The following USF3 variants were observed in gnomAD, a reference collection of about 807,000 sequenced individuals.
USF3 encodes the protein basic helix-loop-helix domain-containing protein USF3.
A neutral mutation model predicts 157.5 loss-of-function variants in USF3; 29 were observed. The observed-to-expected ratio is 0.18, with a 90% confidence interval of 0.14 to 0.25. The LOEUF is 0.25. USF3 is among the 10% of genes least tolerant of loss of function. The pLI is 1.00. For synonymous variants in USF3, 893 were observed against 941.4 expected (o/e 0.95, Z 0.94); for missense variants, 2,381 against 2,667.6 (o/e 0.89, Z 2.37).
At chr3:113,677,145 C>G (rs542019740) in intron 2 of USF3, 137 bp downstream of exon 2, 1 of 152,146 alleles carries the variant, frequency 6.6e-6, no homozygotes, top group African/African-American at 2.4e-5. Flanking sequence ...GCAGCTTATT[C>G]CTATTCCACC....
At chr3:113,680,257 T>C (rs959174536) in intron 1 of USF3, among the ~76,000 whole-genome samples, 2 of 152,018 alleles carry the variant, frequency 1.3e-5, no homozygotes, top group African/African-American at 2.4e-5. Flanking sequence ...AGACTTTTAA[T>C]TATGACTTTG....
intron 1 of USF3, among the ~76,000 whole-genome samples, chr3:113,695,110 G>A (rs1707771523): frequency 6.6e-6 from 1 of 152,248 alleles, no homozygotes; most frequent in Non-Finnish European, 1.5e-5. Flanking sequence ...AGCCGTCCTT[G>A]GACGGGGGTT....
Position 113,657,036 on chromosome 3 carries a change from C to T in USF3, c.4646G>A (p.Arg1549Gln), listed in dbSNP as rs748185621. The T allele has an allele frequency of 2.5e-5, 41 of 1,613,920 alleles. No homozygotes were observed. The highest frequency in any genetic ancestry group is 1.6e-4 in the African/African-American group (12 of 74,886). ...QPKHHGTDQSRSKTGQPHPHH... is the reference protein window; with the variant it reads ...QPKHHGTDQSQSKTGQPHPHH... ...GGGATGTGGCTGGCCAGTCTTGGATCGGGATTGGTCAGTTCCATGGTGCTT... is the reference window on the plus strand; with the variant it reads ...GGGATGTGGCTGGCCAGTCTTGGATTGGGATTGGTCAGTTCCATGGTGCTT... Residue 1549 changes from arginine (R) to glutamine (Q), a missense_variant, in exon 7 of 7, where the codon CGA becomes CAA. Physicochemically the swap from Arg to Gln is conservative, Grantham distance 43. This residue lies in a region of USF3 where 770 missense variants were observed against 824.2 expected (regional missense o/e 0.93). Transcript: ENST00000316407.
At chr3:113,696,154 A>T (rs996874399) in intron 1 of USF3, among the ~76,000 whole-genome samples, 7 of 152,120 alleles carry the variant, frequency 4.6e-5, no homozygotes, top group Non-Finnish European at 8.8e-5. Flanking sequence ...GGCGGGCGGG[A>T]GATGAGGGGT....
Position 113,658,611 on chromosome 3 carries a change from T to C in USF3, c.3071A>G (p.Asp1024Gly). ...AGAAAAGTCAGGATGATCCATCTGATCAGAAAGAGATGATTTCTGAGGGTT... is the reference window on the plus strand; with the variant it reads ...AGAAAAGTCAGGATGATCCATCTGACCAGAAAGAGATGATTTCTGAGGGTT... Reference protein sequence around the residue: ...KKNPQKSSLSDQMDHPDFSSE... With the variant: ...KKNPQKSSLSGQMDHPDFSSE... Residue 1024 changes from aspartate (D) to glycine (G), a missense_variant, in exon 7 of 7, where the codon GAT (aspartate) becomes GGT (glycine). Physicochemically the swap from Asp to Gly is moderately conservative, Grantham distance 94. This residue lies in a region of USF3 where 1,435 missense variants were observed against 1,550.9 expected (regional missense o/e 0.93). Transcript: ENST00000316407. 6.2e-7 allele frequency: 1 copy of C among 1,613,738 alleles called. No homozygotes were observed. Among genetic ancestry groups the C allele is most frequent in the Non-Finnish European group, 8.5e-7 (1 of 1,179,848 alleles).
chr3:113,678,998 T>TCCAGGCTG (rs1707347176), intron 1 of USF3, among the ~76,000 whole-genome samples: 1 of 148,092 alleles, frequency 6.8e-6, no homozygotes, highest in Admixed American at 6.8e-5. Context: ...CACTATGCTG[T>TCCAGGCTG]CCAGGCTGGT....
At chr3:113,670,740 T>C (rs1707135730) in intron 4 of USF3, among the ~76,000 whole-genome samples, 1 of 152,178 alleles carries the variant, frequency 6.6e-6, no homozygotes, top group Non-Finnish European at 1.5e-5. Context: ...GCAATCTACA[T>C]AAGCAATACT....
Position 113,656,141 on chromosome 3 carries a change from C to T in USF3, c.5541G>A (p.Gln1847=). The T allele has an allele frequency of 6.2e-7, 1 of 1,614,168 alleles. No individual in the cohort carries two copies. The highest frequency in any genetic ancestry group is 8.5e-7 in the Non-Finnish European group (1 of 1,180,024). The part of the protein sequence containing the change: ...RSLSEHQRNT[Q]CGPSSAIEYN... ...ATTCAATTGCAGAGGATGGACCACA[C>T]TGTGTATTCCTCTGATGTTCTGAGA... Residue 1847 remains glutamine, a synonymous_variant, in exon 7 of 7, where the codon CAG becomes CAA. Transcript: ENST00000316407.
Position 113,649,640 on chromosome 3 carries a change from T to C in USF3, c.*5304A>G. 3.9e-6 allele frequency: 2 copies of C among 513,144 alleles called. No individual in the cohort carries two copies. The highest frequency in any genetic ancestry group is 3.5e-5 in the South Asian group (1 of 28,174). 31.8% of individuals were successfully genotyped at this position (513,144 alleles called of 1,614,324 possible). On this transcript the variant is annotated 3_prime_UTR_variant, in exon 7 of 7. Coordinates refer to ENST00000316407, the MANE Select transcript of USF3 (RefSeq NM_001009899.4). ...AGCGTGTACCATCCCAGCTGGCCCT[T>C]TGCTATAACAGAGGAGTGGGTGAGT...
intron 1 of USF3, among the ~76,000 whole-genome samples, chr3:113,694,102 T>C (rs1707750258): frequency 6.6e-6 from 1 of 152,178 alleles, no homozygotes; most frequent in Non-Finnish European, 1.5e-5. Context: ...GCATTAAAAC[T>C]TAAAGACACA....
Position 113,649,996 on chromosome 3 carries a change from T to C in USF3, c.*4948A>G, listed in dbSNP as rs1257761567. On this transcript the variant is annotated 3_prime_UTR_variant, in exon 7 of 7. Transcript: ENST00000316407. ...CTAACTTCTGCCTTTAATTTGCATA[T>C]AAGTATCATAAAATCATCACTCACA... 1.8e-5 allele frequency: 11 copies of C among 622,394 alleles called. No individual in the cohort carries two copies. Among genetic ancestry groups the C allele is most frequent in the Middle Eastern group, 2.5e-4 (1 of 3,936 alleles). The allele number at this position is 622,394 out of a possible 1,614,324, so 38.6% of individuals were successfully genotyped here. A position where few individuals can be genotyped will look rare whatever the true frequency, so the allele number is the denominator to read the frequency against.
chr3:113,689,026 A>G (rs1186048268), intron 1 of USF3, among the ~76,000 whole-genome samples: 5 of 129,754 alleles, frequency 3.9e-5, no homozygotes, highest in African/African-American at 1.4e-4. Flanking sequence ...GGGAGACTCC[A>G]TCTCAAAAAA....
At chr3:113,689,141 T>C (rs1199280264) in intron 1 of USF3, among the ~76,000 whole-genome samples, 1 of 152,230 alleles carries the variant, frequency 6.6e-6, no homozygotes, top group East Asian at 1.9e-4. Context: ...GAATAGCCTT[T>C]GATGTCAGAC....
rs770420237 is a variant in USF3 at position 113,651,671 on chromosome 3, T to C, written c.*3273A>G. ...ACTGCTAGTAAATCTCATATATTCA[T>C]GCTTTTAAATCAAATAAGGGTACTA... On this transcript the variant is annotated 3_prime_UTR_variant, in exon 7 of 7. Transcript: ENST00000316407. 2 of 152,228 alleles carry C rather than the reference T, an allele frequency of 1.3e-5. No individual in the cohort carries two copies. The highest frequency in any genetic ancestry group is 2.9e-5 in the Non-Finnish European group (2 of 68,044). The allele number at this position is 152,228 out of a possible 1,614,324, so 9.4% of individuals were successfully genotyped here.
At position 113,694,858 on chromosome 3, in the gene USF3, A is replaced by G. The variant is rs1239013829; in HGVS notation, c.-135+1512T>C. 2.0e-5 allele frequency among the ~76,000 whole-genome samples: 3 copies of G among 152,306 alleles called. No homozygotes were observed. The East Asian group carries it at 5.8e-4, about 29-fold the overall frequency. ...TCAGGAGTGCAAGACCAGCCTGGCC[A>G]ACATGGAGAAACCCTGTCTCTACTT... On this transcript the variant is annotated intron_variant, in intron 1 of 6. Coordinates refer to ENST00000316407, the MANE Select transcript of USF3 (RefSeq NM_001009899.4).
At chr3:113,689,458 T>C (rs548827623) in intron 1 of USF3, among the ~76,000 whole-genome samples, 1 of 152,342 alleles carries the variant, frequency 6.6e-6, no homozygotes, top group East Asian at 1.9e-4. Flanking sequence ...TATAAATCTA[T>C]AAATCTATCC....
chr3:113,664,112 A>T (rs1247516260), intron 6 of USF3, among the ~76,000 whole-genome samples: 1 of 152,200 alleles, frequency 6.6e-6, no homozygotes, highest in Non-Finnish European at 1.5e-5. Flanking sequence ...TGCCTACAAG[A>T]TAAGAGGTGC....
Position 113,654,742 on chromosome 3 carries a change from C to T in USF3, c.*202G>A. The T allele has an allele frequency of 3.7e-6, 2 of 538,884 alleles. No homozygotes were observed. Among genetic ancestry groups the T allele is most frequent in the Non-Finnish European group, 6.4e-6 (2 of 312,350 alleles). The allele number at this position is 538,884 out of a possible 1,614,324, so 33.4% of individuals were successfully genotyped here. A position where few individuals can be genotyped will look rare whatever the true frequency, so the allele number is the denominator to read the frequency against. On this transcript the variant is annotated 3_prime_UTR_variant, in exon 7 of 7. Transcript: ENST00000316407. ...TTGGAAAATAAAAAAGTACACCATG[C>T]AGTTGAAAACGAAAGATAACTTGTT...
rs998610271 is a variant in USF3 at position 113,648,881 on chromosome 3, AAAAT to A, written c.*6059_*6062del. 4 of 152,118 alleles carry A rather than the reference AAAAT, an allele frequency of 2.6e-5. No individual in the cohort carries two copies. The highest frequency in any genetic ancestry group is 5.9e-5 in the Non-Finnish European group (4 of 67,962). The allele number at this position is 152,118 out of a possible 1,614,324, so 9.4% of individuals were successfully genotyped here. On this transcript the variant is annotated 3_prime_UTR_variant, in exon 7 of 7. Transcript: ENST00000316407. ...TTTTCAACTTTTTTTTACCAAAGTG[AAAAT>A]ATATATATATATGTATATATATTTA... is the stretch of plus-strand genomic sequence containing the variant.
Sources: gnomAD v4.1 joint callset for allele counts (sites outside exome capture counted in the v4.1 genomes callset) on GRCh38, gnomAD v4.1.1 for gene constraint, gnomAD v4.1.1 regional missense constraint, MANE v1.5 for transcripts, NCBI Gene and HGNC (gene_info 2026-07-23, HGNC 2026-07-21) for gene names.